TRIQK: variants seen among roughly 807,000 people sequenced by gnomAD.
The protein encoded by TRIQK is triple QxxK/R motif-containing protein.
In TRIQK, 10 loss-of-function variants were observed where a neutral mutation model predicts 10.8. The ratio of observed to expected loss-of-function variants is 0.92; its 90% confidence interval spans 0.57 to 1.57. The LOEUF is 1.57. Among genes scored for constraint, TRIQK ranks in the 40% most tolerant of loss-of-function variants. The pLI is 0.00. For missense variants in TRIQK, 107 were observed against 97.7 expected, an observed-to-expected ratio of 1.09 and a Z score of -0.40; for synonymous variants, 33 against 33.7, an observed-to-expected ratio of 0.98 and a Z score of 0.07.
Position 92,885,064 on chromosome 8 carries a change from T to G in TRIQK, c.*1558A>C, listed in dbSNP as rs1244431578. ...GAACTCTTGGTCTGTCTCTTGAGTC[T>G]GTGAGTTCAAAGGGAAGAATCTAGT... On this transcript the variant is annotated 3_prime_UTR_variant, in exon 5 of 5. Transcript: ENST00000521988. The G allele has an allele frequency of 2.2e-6, 1 of 450,364 alleles. No homozygotes were observed. Among genetic ancestry groups the G allele is most frequent in the Non-Finnish European group, 4.5e-6 (1 of 222,150 alleles). 27.9% of individuals were successfully genotyped at this position (450,364 alleles called of 1,614,324 possible).
rs912764384 is a variant in TRIQK at position 92,893,076 on chromosome 8, G to A, written c.62-1002C>T. Among the ~76,000 whole-genome samples, 14 of 151,482 alleles carry A rather than the reference G, an allele frequency of 9.2e-5. 1 individual carries two copies. Among genetic ancestry groups the A allele is most frequent in the South Asian group, 6.3e-4 (3 of 4,796 alleles). ...GACCAGTTCCTTTACAAAACTCATC[G>A]CTACATTCCCTTCATCTAAATAATA... On this transcript the variant is annotated intron_variant, in intron 3 of 4. Coordinates refer to ENST00000521988, the MANE Select transcript of TRIQK (RefSeq NM_001171797.2).
At chr8:92,905,678 T>C (rs1809216482) in intron 3 of TRIQK, among the ~76,000 whole-genome samples, 1 of 152,166 alleles carries the variant, frequency 6.6e-6, no homozygotes, top group Admixed American at 6.5e-5. Context: ...CTCCAGTAGA[T>C]TGCTGTGACA....
intron 1 of TRIQK, among the ~76,000 whole-genome samples, chr8:92,955,300 G>A (rs1191446834): frequency 3.3e-5 from 5 of 151,660 alleles, no homozygotes; most frequent in African/African-American, 1.2e-4. Flanking sequence ...CAATTTTGGG[G>A]TTACTTTTAA....
chr8:92,957,662 TCATA>T (rs2130696747), intron 1 of TRIQK, among the ~76,000 whole-genome samples: 1 of 152,062 alleles, frequency 6.6e-6, no homozygotes, highest in East Asian at 1.9e-4. Context: ...TCTCAAACTT[TCATA>T]AAGTTTTTGG....
chr8:92,910,238 C>G (rs1322529598), intron 3 of TRIQK, among the ~76,000 whole-genome samples: 1 of 150,990 alleles, frequency 6.6e-6, no homozygotes, highest in Non-Finnish European at 1.5e-5. Context: ...AGAAAGTAAT[C>G]ACATTTAGAA....
intron 1 of TRIQK, among the ~76,000 whole-genome samples, chr8:93,007,465 T>C (rs753085538): frequency 2.6e-5 from 4 of 151,844 alleles, no homozygotes; most frequent in Non-Finnish European, 5.9e-5. Context: ...AAAGCCAGAG[T>C]GCCTCTTCTC....
chr8:93,011,024 A>G (rs1813326542), intron 1 of TRIQK, among the ~76,000 whole-genome samples: 2 of 152,020 alleles, frequency 1.3e-5, no homozygotes, highest in East Asian at 1.9e-4. Flanking sequence ...ATAACTCACA[A>G]TGTATTTTAT....
chr8:92,914,093 A>T (rs1432909620), intron 3 of TRIQK, among the ~76,000 whole-genome samples: 1 of 152,204 alleles, frequency 6.6e-6, no homozygotes, highest in Non-Finnish European at 1.5e-5. Flanking sequence ...CGTTCTGCAC[A>T]TGTATCCTAG....
chr8:92,980,652 G>A (rs1308397163), intron 1 of TRIQK, among the ~76,000 whole-genome samples: 1 of 151,904 alleles, frequency 6.6e-6, no homozygotes, highest in Admixed American at 6.6e-5. Flanking sequence ...TACTTTCCTA[G>A]AAGTATATAC....
At chr8:92,953,745 G>C (rs1812028678) in intron 2 of TRIQK, 1 of 151,978 alleles carries the variant, frequency 6.6e-6, no homozygotes, top group Non-Finnish European at 1.5e-5. Flanking sequence ...AAGTACTGTA[G>C]AGACATTTAG....
intron 4 of TRIQK, 31 bp downstream of exon 4, chr8:92,891,958 C>A: frequency 6.8e-7 from 1 of 1,467,980 alleles, no homozygotes. Flanking sequence ...ATGCACATAT[C>A]AAATTTTAAA....
chr8:92,980,532 A>T (rs1274603481), intron 1 of TRIQK, among the ~76,000 whole-genome samples: 1 of 151,998 alleles, frequency 6.6e-6, no homozygotes, highest in African/African-American at 2.4e-5. Context: ...AGTTGGCAGA[A>T]CTCACTATCT....
rs371438476 is a variant in TRIQK at position 92,905,468 on chromosome 8, C to T, written c.61+11461G>A. On this transcript the variant is annotated intron_variant, in intron 3 of 4. Transcript: ENST00000521988. ...CAAAATTAATATTGTGGTAATCCCT[C>T]GGAAAGATGGAGGACATTGCAATTG... 1.4e-4 allele frequency among the ~76,000 whole-genome samples: 21 copies of T among 152,070 alleles called. 1 individual carries two copies. The highest frequency in any genetic ancestry group is 1.3e-3 in the East Asian group (7 of 5,200).
At chr8:92,919,425 G>A (rs1306905435) in intron 2 of TRIQK, among the ~76,000 whole-genome samples, 1 of 151,784 alleles carries the variant, frequency 6.6e-6, no homozygotes, top group Non-Finnish European at 1.5e-5. Context: ...TGATTCTGCT[G>A]TTGTGATACA....
intron 1 of TRIQK, among the ~76,000 whole-genome samples, chr8:92,981,816 C>T (rs528116112): frequency 9.9e-5 from 15 of 151,872 alleles, no homozygotes; most frequent in African/African-American, 3.4e-4. Context: ...TAAATTTTCT[C>T]ATAGTTGCCA....
Position 92,898,166 on chromosome 8 carries a change from G to A in TRIQK, c.62-6092C>T, listed in dbSNP as rs149927644. Among the ~76,000 whole-genome samples the A allele has an allele frequency of 9.4e-3, 1,426 of 152,202 alleles. 12 individuals are homozygous for A. The highest frequency in any genetic ancestry group is 0.014 in the Non-Finnish European group (975 of 68,014). On this transcript the variant is annotated intron_variant, in intron 3 of 4. Transcript: ENST00000521988. ...GTTTTTGTCAAATGCCACAGAGAAA[G>A]GGCTCTTCACACAGAGTTAGCTCTA...
In TRIQK at chr8:92,942,125, A is replaced by C. The variant is rs535299151; in HGVS notation, c.-22+12281T>G. ...CAATCAGACAAGGATGGAACAAAAA[A>C]AGAAAACTACTCTGATGGTTATAGA... On this transcript the variant is annotated intron_variant, in intron 2 of 4. Transcript: ENST00000521988. Among the ~76,000 whole-genome samples, 6 of 152,342 alleles carry C rather than the reference A, an allele frequency of 3.9e-5. No homozygotes were observed. In the East Asian group the frequency reaches 1.2e-3, roughly 29 times the overall value.
intron 2 of TRIQK, among the ~76,000 whole-genome samples, chr8:92,942,274 A>T (rs927134083): frequency 6.6e-6 from 1 of 152,212 alleles, no homozygotes; most frequent in Admixed American, 6.5e-5. Flanking sequence ...ACATCACATT[A>T]ACAGAATGAA....
chr8:92,940,843 A>G (rs1586464563), intron 2 of TRIQK, among the ~76,000 whole-genome samples: 1 of 152,332 alleles, frequency 6.6e-6, no homozygotes, highest in Middle Eastern at 3.4e-3. Context: ...TCAACTGAAC[A>G]TGGAACATTT....
Sources: allele counts gnomAD v4.1 joint callset (sites outside exome capture counted in the v4.1 genomes callset), GRCh38; gene constraint gnomAD v4.1.1; transcripts MANE v1.5; gene names NCBI Gene and HGNC (gene_info 2026-07-23, HGNC 2026-07-21).